Variants in MEGF11 observed in about 807,000 individuals in gnomAD.
MEGF11 encodes the protein multiple EGF like domains 11.
MEGF11 carries 126 observed loss-of-function variants against 146.6 expected under a neutral mutation model. The ratio of observed to expected loss-of-function variants is 0.86; its 90% CI spans 0.74 to 1.00. MEGF11 has a LOEUF of 1.00. Ranked by LOEUF, MEGF11 falls within the 50% of genes least tolerant of loss-of-function variation. MEGF11 has a pLI of 0.00. For missense variants in MEGF11, 1,509 were observed against 1,521.2 expected (o/e 0.99, Z 0.13); for synonymous variants, 532 against 583.4 (o/e 0.91, Z 1.27).
chr15:65,952,326 G>A (rs1208088557), intron 10 of MEGF11, among the ~76,000 whole-genome samples: 1 of 152,142 alleles, frequency 6.6e-6, no homozygotes, highest in East Asian at 1.9e-4. Context: ...TTATTTGGTG[G>A]GCAGTGGGGA....
chr15:65,949,942 C>T (rs909543982), intron 10 of MEGF11, among the ~76,000 whole-genome samples: 3 of 152,190 alleles, frequency 2.0e-5, no homozygotes, highest in African/African-American at 7.2e-5. Flanking sequence ...AGTCTATTCT[C>T]GGTTCTGTGG....
intron 1 of MEGF11, among the ~76,000 whole-genome samples, chr15:66,185,913 C>G (rs2090685487): frequency 6.6e-6 from 1 of 152,160 alleles, no homozygotes; most frequent in Non-Finnish European, 1.5e-5. Context: ...GTCTGGAGCT[C>G]CAAGCTGCTA....
chr15:65,976,443 G>C (rs1373374576), intron 7 of MEGF11, among the ~76,000 whole-genome samples: 1 of 152,166 alleles, frequency 6.6e-6, no homozygotes, highest in Non-Finnish European at 1.5e-5. Flanking sequence ...AGGTCATATG[G>C]GGGGGCTCTC....
intron 5 of MEGF11, among the ~76,000 whole-genome samples, chr15:66,066,650 C>T (rs572747090): frequency 8.5e-5 from 13 of 152,288 alleles, no homozygotes; most frequent in South Asian, 8.3e-4. Flanking sequence ...TCCACGGCTG[C>T]GAGTCCCTGC....
chr15:65,971,838 G>A (rs886787401), intron 7 of MEGF11, among the ~76,000 whole-genome samples: 5 of 151,948 alleles, frequency 3.3e-5, no homozygotes, highest in South Asian at 2.1e-4. Context: ...TAAACAAATA[G>A]GCAACAGGAA....
chr15:66,062,526 C>A (rs981450792), intron 5 of MEGF11, among the ~76,000 whole-genome samples: 1 of 152,134 alleles, frequency 6.6e-6, no homozygotes, highest in Non-Finnish European at 1.5e-5. Flanking sequence ...TGCCAACAAC[C>A]AGAGGGACCT....
chr15:66,215,689 G>A (rs1485680624), intron 1 of MEGF11, among the ~76,000 whole-genome samples: 1 of 152,150 alleles, frequency 6.6e-6, no homozygotes, highest in Non-Finnish European at 1.5e-5. Flanking sequence ...AACAGAGTTG[G>A]GGGCCAGGAA....
Position 65,914,036 on chromosome 15 carries a change from C to T in MEGF11, c.2474-63G>A, listed in dbSNP as rs1331108474. On this transcript the variant is annotated intron_variant, in intron 19 of 25. Transcript: ENST00000395614. ...TTCTTGCGCTTCAGGTCTCCTGGGC[C>T]TGGGTTCAGATGCGTGTAACCCCTC... The T allele has an allele frequency of 2.2e-6, 3 of 1,370,784 alleles. No homozygotes were observed. In the East Asian group the frequency reaches 7.0e-5, roughly 32 times the overall value. 84.9% of individuals were successfully genotyped at this position (1,370,784 alleles called of 1,614,324 possible). A position where few individuals can be genotyped will look rare whatever the true frequency, so the allele number is the denominator to read the frequency against.
At chr15:65,910,909 C>T (rs2078782127) in intron 21 of MEGF11, among the ~76,000 whole-genome samples, 1 of 152,208 alleles carries the variant, frequency 6.6e-6, no homozygotes, top group Non-Finnish European at 1.5e-5. Flanking sequence ...TCTATGGGCA[C>T]AGGCACAGGT....
intron 1 of MEGF11, among the ~76,000 whole-genome samples, chr15:66,169,827 C>T (rs554558056): frequency 1.3e-4 from 20 of 152,296 alleles, no homozygotes; most frequent in African/African-American, 3.8e-4. Flanking sequence ...AGGAGCACCG[C>T]GGCAGCCGGA....
chr15:66,119,102 G>C lies in MEGF11; in HGVS notation c.285C>G (p.Ser95Arg). 1.3e-6 allele frequency: 2 copies of C among 1,550,238 alleles called. No homozygotes were observed. Among genetic ancestry groups the C allele is most frequent in the Non-Finnish European group, 1.7e-6 (2 of 1,146,510 alleles). ...RSQCCPGYYE[S>R]GDFCIPLCTE... ...CCTACATACGTATGCAGAAGTCTCC[G>C]CTCTCATAGTAGCCAGGGCAGCACT... The change falls in exon 4 of 26, where the codon AGC becomes AGG. Residue 95 changes from serine (S) to arginine (R), a missense_variant. Coordinates refer to ENST00000395614, the MANE Select transcript of MEGF11 (RefSeq NM_001385028.1).
intron 5 of MEGF11, among the ~76,000 whole-genome samples, chr15:66,016,445 A>G (rs2082887119): frequency 6.6e-6 from 1 of 152,016 alleles, no homozygotes; most frequent in Non-Finnish European, 1.5e-5. Context: ...TCTATTCTAA[A>G]AGAAAAACAA....
At chr15:65,910,076 C>T in intron 21 of MEGF11, 1 of 612,886 alleles carries the variant, frequency 1.6e-6, no homozygotes, top group Non-Finnish European at 3.0e-6. Flanking sequence ...CCAAGCTGGC[C>T]CTGACAGAGG....
intron 5 of MEGF11, among the ~76,000 whole-genome samples, chr15:66,060,721 G>T (rs903494666): frequency 1.3e-5 from 2 of 152,236 alleles, no homozygotes; most frequent in Non-Finnish European, 2.9e-5. Flanking sequence ...CCTGAGGAGA[G>T]ACCACATCTG....
intron 5 of MEGF11, among the ~76,000 whole-genome samples, chr15:66,092,758 T>C (rs1382565120): frequency 6.6e-6 from 1 of 152,026 alleles, no homozygotes; most frequent in African/African-American, 2.4e-5. Context: ...TCACTGGTGG[T>C]TTCTATATAC....
chr15:65,978,198 A>T (rs1245712581), intron 7 of MEGF11, among the ~76,000 whole-genome samples: 1 of 152,220 alleles, frequency 6.6e-6, no homozygotes, highest in African/African-American at 2.4e-5. Flanking sequence ...GGTTGAAGTC[A>T]CATAGGGCCA....
chr15:66,073,579 C>A (rs57916002), intron 5 of MEGF11, among the ~76,000 whole-genome samples: 17,594 of 152,232 alleles, frequency 0.12, 1,280 homozygotes, highest in South Asian at 0.2. Context: ...AGATCACTCT[C>A]TCCGTTTTTC....
At chr15:65,900,296 T>C (rs1050149402) in intron 24 of MEGF11, among the ~76,000 whole-genome samples, 6 of 152,192 alleles carry the variant, frequency 3.9e-5, no homozygotes, top group African/African-American at 1.4e-4. Context: ...CTGTCTCCAA[T>C]TTGTGAGAGT....
intron 4 of MEGF11, among the ~76,000 whole-genome samples, chr15:66,114,444 C>T (rs951886214): frequency 2.6e-5 from 4 of 152,324 alleles, no homozygotes; most frequent in Non-Finnish European, 4.4e-5. Context: ...TGTCTGTTAC[C>T]GCAGCAAAAC....
Sources: gnomAD v4.1 joint callset for allele counts (sites outside exome capture counted in the v4.1 genomes callset) on GRCh38, gnomAD v4.1.1 for gene constraint, MANE v1.5 for transcripts, NCBI Gene and HGNC (gene_info 2026-07-23, HGNC 2026-07-21) for gene names.